The following KIF16B variants were observed in gnomAD, a reference collection of about 807,000 sequenced individuals.
The protein encoded by KIF16B is kinesin-like protein KIF16B.
KIF16B carries 98 observed loss-of-function variants against 156.3 expected under a neutral mutation model. The ratio of observed to expected loss-of-function variants is 0.63; its 90% CI spans 0.53 to 0.74. The LOEUF is 0.74. Among genes scored for constraint, KIF16B ranks in the 30% least tolerant of loss-of-function variants. The pLI, the probability that KIF16B is intolerant of heterozygous loss-of-function variation, is 0.00. For missense variants in KIF16B, 1,421 were observed against 1,606.5 expected, an observed-to-expected ratio of 0.88 and a Z score of 1.97; for synonymous variants, 564 against 583.7, an observed-to-expected ratio of 0.97 and a Z score of 0.49.
At chr20:16,408,765 G>A (rs2065847836) in intron 15 of KIF16B, among the ~76,000 whole-genome samples, 1 of 152,114 alleles carries the variant, frequency 6.6e-6, no homozygotes, top group African/African-American at 2.4e-5. Flanking sequence ...ACAATTCAGT[G>A]CTTCCATCTA....
At chr20:16,478,015 C>A (rs915852718) in intron 12 of KIF16B, among the ~76,000 whole-genome samples, 2 of 152,104 alleles carry the variant, frequency 1.3e-5, no homozygotes, top group Admixed American at 1.3e-4. Flanking sequence ...TGGGCATCTG[C>A]GACAAGTGGT....
chr20:16,513,878 G>A (rs924781446), intron 4 of KIF16B, among the ~76,000 whole-genome samples: 13 of 152,000 alleles, frequency 8.6e-5, no homozygotes, highest in Non-Finnish European at 5.9e-5. Flanking sequence ...AGGAAACCAA[G>A]GCAGAGCATC....
rs113061076 is a variant in KIF16B, at chr20:16,455,090, G to A, written c.1303-25108C>T. ...TGTCTGTCGTTAACTGAAACACACCGAATCCAGGAAATTCATGATTCTACA... is the reference window on the plus strand; with the variant it reads ...TGTCTGTCGTTAACTGAAACACACCAAATCCAGGAAATTCATGATTCTACA... On this transcript the variant is annotated intron_variant, in intron 12 of 25. Coordinates refer to ENST00000354981, the MANE Select transcript of KIF16B (RefSeq NM_024704.5). Among the ~76,000 whole-genome samples the A allele has an allele frequency of 3.3e-5, 5 of 152,272 alleles. 1 individual carries two copies. The highest frequency in any genetic ancestry group is 7.2e-5 in the African/African-American group (3 of 41,562).
At chr20:16,327,040 CAT>C (rs1555845790) in intron 24 of KIF16B, among the ~76,000 whole-genome samples, 8 of 143,650 alleles carry the variant, frequency 5.6e-5, no homozygotes, top group South Asian at 2.3e-4. Flanking sequence ...TACACACACA[CAT>C]ATATATGTAT....
chr20:16,352,088 C>A (rs570568467), intron 23 of KIF16B, among the ~76,000 whole-genome samples: 3 of 152,306 alleles, frequency 2.0e-5, no homozygotes, highest in South Asian at 4.2e-4. Flanking sequence ...GTGCAGAGGG[C>A]AGATCAGTGC....
chr20:16,424,867 A>G (rs916132023), intron 15 of KIF16B, among the ~76,000 whole-genome samples: 1 of 152,180 alleles, frequency 6.6e-6, no homozygotes, highest in Admixed American at 6.5e-5. Flanking sequence ...GGAGCTAGGA[A>G]TAAGTGAGAA....
intron 10 of KIF16B, among the ~76,000 whole-genome samples, chr20:16,498,290 G>T (rs186787539): frequency 3.3e-5 from 5 of 152,076 alleles, no homozygotes; most frequent in Non-Finnish European, 5.9e-5. Flanking sequence ...GGCTTAAACT[G>T]CACTCTTAAC....
intron 12 of KIF16B, among the ~76,000 whole-genome samples, chr20:16,447,423 A>G (rs1358811379): frequency 6.6e-6 from 1 of 152,078 alleles, no homozygotes; most frequent in Non-Finnish European, 1.5e-5. Flanking sequence ...ATGACCTGCA[A>G]CGTCACTAGG....
chr20:16,406,589 CA>C, intron 15 of KIF16B, 133 bp from the exon 16 acceptor site: 1 of 798,036 alleles, frequency 1.3e-6, no homozygotes, highest in Non-Finnish European at 2.0e-6. Flanking sequence ...GCTTTAGTCT[CA>C]AAAGTCTGCT....
At chr20:16,534,271 T>A (rs1439221075) in intron 1 of KIF16B, among the ~76,000 whole-genome samples, 1 of 147,878 alleles carries the variant, frequency 6.8e-6, no homozygotes, top group Non-Finnish European at 1.5e-5. Flanking sequence ...AAAAAAAAAA[T>A]TAATCTAAAA....
chr20:16,543,087 G>A (rs570435659), intron 1 of KIF16B, among the ~76,000 whole-genome samples: 4 of 152,260 alleles, frequency 2.6e-5, no homozygotes, highest in South Asian at 4.1e-4. Flanking sequence ...AGAATCTCCA[G>A]GACACTGTAT....
At chr20:16,495,526 A>G (rs1385849773) in intron 11 of KIF16B, among the ~76,000 whole-genome samples, 1 of 152,232 alleles carries the variant, frequency 6.6e-6, no homozygotes, top group Admixed American at 6.5e-5. Flanking sequence ...ATTTACCTCA[A>G]ATAAGACTGT....
chr20:16,497,492 G>A (rs2068485675), intron 11 of KIF16B, 121 bp downstream of exon 11: 1 of 726,068 alleles, frequency 1.4e-6, no homozygotes, highest in South Asian at 1.6e-5. Flanking sequence ...CACCAACGAG[G>A]GAGGAGGCTA....
At position 16,295,492 on chromosome 20, in the gene KIF16B, T is replaced by C. The variant is rs141831675; in HGVS notation, c.3795+16843A>G. ...ATAACTATATGACTATTTAAAGTTATACTTATAATTATATATAATCTACTG... is the reference window on the plus strand; with the variant it reads ...ATAACTATATGACTATTTAAAGTTACACTTATAATTATATATAATCTACTG... On this transcript the variant is annotated intron_variant, in intron 25 of 25. Transcript: ENST00000354981. 1.0e-3 allele frequency among the ~76,000 whole-genome samples: 154 copies of C among 149,868 alleles called. 3 individuals are homozygous for C. In the East Asian group the frequency reaches 0.025, roughly 24 times the overall value.
intron 1 of KIF16B, among the ~76,000 whole-genome samples, chr20:16,566,044 T>A (rs1044058934): frequency 1.3e-5 from 2 of 152,276 alleles, no homozygotes; most frequent in African/African-American, 4.8e-5. Flanking sequence ...GATCGTGGGA[T>A]TATGAGCAAT....
chr20:16,422,181 T>C (rs1464072188), intron 15 of KIF16B, among the ~76,000 whole-genome samples: 1 of 152,156 alleles, frequency 6.6e-6, no homozygotes, highest in African/African-American at 2.4e-5. Context: ...CATCGCTATA[T>C]AAACAATTTC....
At chr20:16,362,785 C>T (rs562208733) in intron 22 of KIF16B, among the ~76,000 whole-genome samples, 2 of 152,210 alleles carry the variant, frequency 1.3e-5, no homozygotes, top group East Asian at 1.9e-4. Flanking sequence ...TCAAAAGGAA[C>T]AAAATATGAG....
At chr20:16,477,380 TAA>T (rs1418720237) in intron 12 of KIF16B, among the ~76,000 whole-genome samples, 1 of 152,160 alleles carries the variant, frequency 6.6e-6, no homozygotes, top group Non-Finnish European at 1.5e-5. Context: ...AGAACAGTGT[TAA>T]GACACCTTAA....
intron 22 of KIF16B, among the ~76,000 whole-genome samples, chr20:16,358,853 A>G (rs2064495615): frequency 6.6e-6 from 1 of 152,254 alleles, no homozygotes; most frequent in Admixed American, 6.5e-5. Context: ...TTGACTTTCT[A>G]AATGCCTTTT....
Sources: gnomAD v4.1 joint callset for allele counts (sites outside exome capture counted in the v4.1 genomes callset) on GRCh38, gnomAD v4.1.1 for gene constraint, MANE v1.5 for transcripts, NCBI Gene and HGNC (gene_info 2026-07-23, HGNC 2026-07-21) for gene names.